The following CTNS variants were observed in gnomAD, a reference collection of about 807,000 sequenced individuals.
The protein encoded by CTNS is cystinosin.
In CTNS, 27 loss-of-function variants were observed where a neutral mutation model predicts 43.7. The ratio of observed to expected loss-of-function variants is 0.62; its 90% confidence interval spans 0.46 to 0.85. The LOEUF (loss-of-function observed/expected upper bound fraction) is 0.85, where lower values mean the gene tolerates loss of function less well. Ranked by LOEUF, CTNS falls within the 40% of genes least tolerant of loss-of-function variation. The pLI, the probability that CTNS is intolerant of heterozygous loss-of-function variation, is 0.00. For synonymous variants in CTNS, 187 were observed against 190.6 expected, an observed-to-expected ratio of 0.98 and a Z score of 0.16; for missense variants, 457 against 475.4, an observed-to-expected ratio of 0.96 and a Z score of 0.36.
chr17:3,648,933 T>A lies in CTNS; in HGVS notation c.225+2T>A. ...ACTATCCTTGAGCTCCCCGATGAAG[T>A]AAGTAACCAATCTTAACGGATGGGT... On this transcript the variant is annotated splice_donor_variant, in intron 5 of 11. Transcript: ENST00000046640. LOFTEE classifies it high-confidence loss of function. 5 of 1,566,940 alleles carry A rather than the reference T, an allele frequency of 3.2e-6. No individual in the cohort carries two copies. Among genetic ancestry groups the A allele is most frequent in the Non-Finnish European group, 4.4e-6 (5 of 1,137,030 alleles).
intron 3 of CTNS, among the ~76,000 whole-genome samples, chr17:3,641,375 TATATATA>T (rs1192659572): frequency 0.02 from 1,112 of 55,102 alleles, 102 homozygotes; most frequent in African/African-American, 0.036. Context: ...TATATATATA[TATATATA>T]TATTTTTTTT....
intron 3 of CTNS, among the ~76,000 whole-genome samples, chr17:3,643,619 C>A (rs1160275464): frequency 1.3e-5 from 2 of 152,018 alleles, no homozygotes; most frequent in Non-Finnish European, 2.9e-5. Context: ...GGCTGGAGTG[C>A]AATGTGGCGT....
intron 9 of CTNS, 58 bp downstream of exon 9, chr17:3,656,853 C>T (rs2076162057): frequency 1.2e-6 from 2 of 1,609,068 alleles, no homozygotes; most frequent in Non-Finnish European, 1.7e-6. Context: ...CACCCCACCT[C>T]ACCTTTGACA....
chr17:3,649,313 G>C (rs565370906), intron 5 of CTNS, among the ~76,000 whole-genome samples: 1 of 152,052 alleles, frequency 6.6e-6, no homozygotes, highest in Non-Finnish European at 1.5e-5. Flanking sequence ...TTAGCCAGTC[G>C]TGGTGGCATG....
At chr17:3,639,561 A>G (rs1313365787) in intron 2 of CTNS, among the ~76,000 whole-genome samples, 2 of 151,824 alleles carry the variant, frequency 1.3e-5, no homozygotes, top group Non-Finnish European at 2.9e-5. Flanking sequence ...CCAGCTACTC[A>G]GGAGGCTGAG....
At chr17:3,656,651 C>G in intron 8 of CTNS, 25 bp from the exon 9 acceptor site, 1 of 1,613,010 alleles carries the variant, frequency 6.2e-7, no homozygotes, top group Non-Finnish European at 8.5e-7. Flanking sequence ...CCCTCACCAC[C>G]CAGCTTCTCC....
rs529381598 is a variant in CTNS, at chr17:3,658,019, C to T, written c.696C>T (p.Arg232=). ...QCCLYERGGQ[R]VSWPAIGFLV... ...CTCGCCCCCAGCGCGGTGGCCAGCG[C>T]GTGTCCTGGCCTGCCATCGGCTTCC... Residue 232 remains arginine, a synonymous_variant, in exon 10 of 12, where the codon CGC becomes CGT. Coordinates refer to ENST00000046640, the MANE Select transcript of CTNS (RefSeq NM_004937.3). The T allele has an allele frequency of 6.8e-6, 11 of 1,610,450 alleles. No individual in the cohort carries two copies. The highest frequency in any genetic ancestry group is 3.3e-5 in the South Asian group (3 of 91,008).
rs2076245419 is a variant in CTNS, at chr17:3,659,869, C to A, written c.864C>A (p.Asn288Lys). Reference protein sequence around the residue: ...LVKYFPQAYMNFYYKSTEGWS... With the variant: ...LVKYFPQAYMKFYYKSTEGWS... The stretch of plus-strand genomic sequence containing the variant: ...TCTGTCTGGCCCAGGCCTACATGAA[C>A]TTTTACTACAAAAGCACTGAGGGCT... Residue 288 changes from asparagine (N) to lysine (K), a missense_variant, in exon 11 of 12, where the codon AAC becomes AAA. By Grantham distance (94) the Asn-to-Lys change is moderately conservative. Coordinates refer to ENST00000046640, the MANE Select transcript of CTNS (RefSeq NM_004937.3). The A allele has an allele frequency of 6.2e-7, 1 of 1,613,688 alleles. No individual in the cohort carries two copies.
At chr17:3,658,354 C>A (rs1002997261) in intron 10 of CTNS, among the ~76,000 whole-genome samples, 179 bp downstream of exon 10, 3 of 152,184 alleles carry the variant, frequency 2.0e-5, no homozygotes, top group Admixed American at 1.3e-4. Flanking sequence ...GCTCTTCCCC[C>A]GGGGCTGGAA....
Position 3,656,719 on chromosome 17 carries a change from A to G in CTNS, c.605A>G (p.Asn202Ser). 6.2e-7 allele frequency: 1 copy of G among 1,613,360 alleles called. No individual in the cohort carries two copies. The highest frequency in any genetic ancestry group is 8.5e-7 in the Non-Finnish European group (1 of 1,179,890). Reference protein sequence around the residue: ...LKYPNGVNPVNSNDVFFSLHA... With the variant: ...LKYPNGVNPVSSNDVFFSLHA... ...TACCCCAACGGAGTGAACCCCGTGA[A>G]CAGCAACGACGTCTTCTTCAGCCTG... The change falls in exon 9 of 12, where the codon AAC becomes AGC. Residue 202 changes from asparagine to serine, a missense_variant. Coordinates refer to ENST00000046640, the MANE Select transcript of CTNS (RefSeq NM_004937.3).
chr17:3,647,523 G>T lies in CTNS; in HGVS notation c.140+1G>T, dbSNP rs1567701415. Reference sequence around the variant, plus strand: ...CGACCAACGTCAGCCTCACCCTGCGGTAAGTTCCTGGGCCTGGCGCTGTGC... The same window carrying T: ...CGACCAACGTCAGCCTCACCCTGCGTTAAGTTCCTGGGCCTGGCGCTGTGC... On this transcript the variant is annotated splice_donor_variant, in intron 4 of 11. Coordinates refer to ENST00000046640, the MANE Select transcript of CTNS (RefSeq NM_004937.3). LOFTEE classifies it high-confidence loss of function. 3.1e-6 allele frequency: 5 copies of T among 1,613,952 alleles called. No individual in the cohort carries two copies. Among genetic ancestry groups the T allele is most frequent in the Non-Finnish European group, 3.4e-6 (4 of 1,179,878 alleles).
chr17:3,638,224 T>TG (rs892556303), intron 2 of CTNS, among the ~76,000 whole-genome samples: 1 of 129,806 alleles, frequency 7.7e-6, no homozygotes, highest in African/African-American at 2.7e-5. Context: ...ATTATCAATC[T>TG]GGTTTTTTTT....
chr17:3,646,366 G>A (rs971644662), intron 3 of CTNS, among the ~76,000 whole-genome samples: 4 of 146,852 alleles, frequency 2.7e-5, no homozygotes, highest in African/African-American at 1.0e-4. Context: ...TCAGCTCACT[G>A]CAACCTCTGC....
chr17:3,640,135 C>A, intron 2 of CTNS, 53 bp from the exon 3 acceptor site: 1 of 1,420,976 alleles, frequency 7.0e-7, no homozygotes, highest in Non-Finnish European at 9.9e-7. Context: ...CTACAGGGAG[C>A]TGAGCTGATT....
chr17:3,651,734 A>G (rs1376290766), intron 5 of CTNS, among the ~76,000 whole-genome samples: 1 of 152,018 alleles, frequency 6.6e-6, no homozygotes, highest in African/African-American at 2.4e-5. Flanking sequence ...GCACTTTGGG[A>G]GGCCGAGGTG....
rs2076271482 is a variant in CTNS at position 3,661,192 on chromosome 17, T to TA, written c.*824dup. The TA allele has an allele frequency of 4.3e-6, 1 of 231,722 alleles. No homozygotes were observed. The highest frequency in any genetic ancestry group is 8.7e-6 in the Non-Finnish European group (1 of 114,872). 14.4% of individuals were successfully genotyped at this position (231,722 alleles called of 1,614,324 possible). On this transcript the variant is annotated 3_prime_UTR_variant, in exon 12 of 12. Coordinates refer to ENST00000046640, the MANE Select transcript of CTNS (RefSeq NM_004937.3). ...TCTCTCCTGCTACCAGTCTGTGCCT[T>TA]AGAGGTCTGTTAGGCCTGCCAAACG...
At position 3,640,137 on chromosome 17, in the gene CTNS, G is replaced by A. The variant is rs2075649291; in HGVS notation, c.-19-51G>A. The A allele has an allele frequency of 3.5e-6, 5 of 1,442,212 alleles. No individual in the cohort carries two copies. The South Asian group carries it at 4.6e-5, about 13-fold the overall frequency. The allele number at this position is 1,442,212 out of a possible 1,614,324, so 89.3% of individuals were successfully genotyped here. ...GAGGGCAGATTGTCTACAGGGAGCTGAGCTGATTCAACATTCCCCTGAACT... is the reference window on the plus strand; with the variant it reads ...GAGGGCAGATTGTCTACAGGGAGCTAAGCTGATTCAACATTCCCCTGAACT... On this transcript the variant is annotated intron_variant, in intron 2 of 11. Coordinates refer to ENST00000046640, the MANE Select transcript of CTNS (RefSeq NM_004937.3).
upstream of CTNS, chr17:3,636,628 CGTCT>C (rs1285576377): frequency 2.2e-5 from 4 of 185,508 alleles, no homozygotes; most frequent in Non-Finnish European, 3.4e-5. Flanking sequence ...GCGCTCTGTC[CGTCT>C]AAGACGCGCG....
chr17:3,638,172 C>T (rs2075585087), intron 2 of CTNS, among the ~76,000 whole-genome samples: 1 of 151,870 alleles, frequency 6.6e-6, no homozygotes, highest in African/African-American at 2.4e-5. Context: ...GGAGATACTT[C>T]ATTTCTATCT....
Sources: gnomAD v4.1 joint callset for allele counts (sites outside exome capture counted in the v4.1 genomes callset) on GRCh38, gnomAD v4.1.1 for gene constraint, MANE v1.5 for transcripts, NCBI Gene and HGNC (gene_info 2026-07-23, HGNC 2026-07-21) for gene names.